Variants in PCDHGA9 observed in about 807,000 individuals in gnomAD.
PCDHGA9 encodes protocadherin gamma subfamily A, 9, also known as protocadherin gamma-A9.
Under a neutral mutation model 62.5 loss-of-function variants are expected in PCDHGA9, and 37 were observed. That is an observed-to-expected ratio of 0.59 (90% CI 0.46 to 0.78). The LOEUF (loss-of-function observed/expected upper bound fraction) is 0.78, where lower values mean the gene tolerates loss of function less well. Ranked by LOEUF, PCDHGA9 falls within the 30% of genes least tolerant of loss-of-function variation. The probability of loss-of-function intolerance (pLI) is 0.00; values close to 1 mark genes in which losing one functional copy is unlikely to be tolerated. For synonymous variants in PCDHGA9, 459 were observed against 484.6 expected (o/e 0.95, Z 0.69); for missense variants, 1,138 against 1,166.2 (o/e 0.98, Z 0.35).
Position 141,415,384 on chromosome 5 carries a change from A to G in PCDHGA9, c.2424+10008A>G, listed in dbSNP as rs767664633. ...GCTGCAGGCTTCAGGAGGCGGCTTG[A>G]CAGGTGTGTCCGGCTCGCACTTTGT... On this transcript the variant is annotated intron_variant, in intron 1 of 3. Coordinates refer to ENST00000573521, the MANE Select transcript of PCDHGA9 (RefSeq NM_018921.3). 9.3e-6 allele frequency: 15 copies of G among 1,614,156 alleles called. No homozygotes were observed. The East Asian group carries it at 2.2e-4, about 24-fold the overall frequency.
chr5:141,472,218 G>A (rs1206861601), intron 1 of PCDHGA9, among the ~76,000 whole-genome samples: 3 of 152,054 alleles, frequency 2.0e-5, no homozygotes, highest in Admixed American at 2.0e-4. Flanking sequence ...CCTTACTCTC[G>A]ATCATATAAT....
At chr5:141,412,814 C>CAT (rs1339609844) in intron 1 of PCDHGA9, among the ~76,000 whole-genome samples, 1 of 152,180 alleles carries the variant, frequency 6.6e-6, no homozygotes, top group Non-Finnish European at 1.5e-5. Context: ...AAGAAACCTA[C>CAT]ATATAGTAAA....
intron 1 of PCDHGA9, chr5:141,441,910 G>A: frequency 2.9e-6 from 1 of 349,440 alleles, no homozygotes; most frequent in Non-Finnish European, 5.5e-6. Flanking sequence ...AGACGCAGAT[G>A]TGAGACACAA....
rs2099695710 is a variant in PCDHGA9, at chr5:141,490,068, A to G, written c.2425-4739A>G. On this transcript the variant is annotated intron_variant, in intron 1 of 3. Coordinates refer to ENST00000573521, the MANE Select transcript of PCDHGA9 (RefSeq NM_018921.3). This position sits in a 1 kb window ranked among gnomAD's most constrained non-coding sequence, Gnocchi z 5.4. ...ATCCAGACGAGGGCACCAACGGCCA[A>G]CTAGACTATTCTTTTGGAGACCACA... is the stretch of plus-strand genomic sequence containing the variant. 2 of 1,614,152 alleles carry G rather than the reference A, an allele frequency of 1.2e-6. No homozygotes were observed. The highest frequency in any genetic ancestry group is 1.6e-4 in the Middle Eastern group (1 of 6,084).
chr5:141,404,029 C>A lies in PCDHGA9; in HGVS notation c.1077C>A (p.Asp359Glu). Reference protein sequence around the residue: ...ITSLFSPVREDAPQGTVILLF... With the variant: ...ITSLFSPVREEAPQGTVILLF... ...CTCTGTTTAGCCCAGTGAGAGAAGA[C>A]GCACCTCAGGGAACAGTAATTCTTC... Residue 359 changes from aspartate to glutamate, a missense_variant, in exon 1 of 4, where the codon GAC becomes GAA. Coordinates refer to ENST00000573521, the MANE Select transcript of PCDHGA9 (RefSeq NM_018921.3). 1.2e-6 allele frequency: 2 copies of A among 1,613,428 alleles called. No individual in the cohort carries two copies. The highest frequency in any genetic ancestry group is 1.1e-5 in the South Asian group (1 of 90,996).
At chr5:141,441,730 A>ATGGT in intron 1 of PCDHGA9, 1 of 362,748 alleles carries the variant, frequency 2.8e-6, no homozygotes, top group South Asian at 2.2e-5. Flanking sequence ...CGCGACCAGG[A>ATGGT]CTAGCTCGCG....
chr5:141,486,653 C>G lies in PCDHGA9; in HGVS notation c.2425-8154C>G. On this transcript the variant is annotated intron_variant, in intron 1 of 3. Transcript: ENST00000573521. This position sits in a 1 kb window ranked among gnomAD's most constrained non-coding sequence, Gnocchi z 5.0. ...CTTGAATGCGCTTATCTCCTACTCA[C>G]TCCTGGAGCCCAGGAATCGAGATGT... is the stretch of plus-strand genomic sequence containing the variant. 1 of 1,613,968 alleles carries G rather than the reference C, an allele frequency of 6.2e-7. No individual in the cohort carries two copies. Among genetic ancestry groups the G allele is most frequent in the Non-Finnish European group, 8.5e-7 (1 of 1,180,034 alleles).
Position 141,489,828 on chromosome 5 carries a change from A to G in PCDHGA9, c.2425-4979A>G. The G allele has an allele frequency of 1.9e-6, 3 of 1,614,010 alleles. No homozygotes were observed. The highest frequency in any genetic ancestry group is 1.1e-5 in the South Asian group (1 of 91,080). ...GGAAGCCATTCCCAGAGCTGGTGCTAGAGCAGCAGCTGGATCGTGAAGCCC... is the reference window on the plus strand; with the variant it reads ...GGAAGCCATTCCCAGAGCTGGTGCTGGAGCAGCAGCTGGATCGTGAAGCCC... On this transcript the variant is annotated intron_variant, in intron 1 of 3. Transcript: ENST00000573521. The surrounding 1 kb of genome is among the most constrained non-coding windows in gnomAD (Gnocchi z 4.5).
chr5:141,445,224 G>A (rs1016307216), intron 1 of PCDHGA9, among the ~76,000 whole-genome samples: 6 of 152,194 alleles, frequency 3.9e-5, no homozygotes, highest in Admixed American at 2.0e-4. Context: ...GAGGTGCAAA[G>A]TGCTCTATTC....
Position 141,491,944 on chromosome 5 carries a change from C to A in PCDHGA9, c.2425-2863C>A. On this transcript the variant is annotated intron_variant, in intron 1 of 3. Transcript: ENST00000573521. This position sits in a 1 kb window ranked among gnomAD's most constrained non-coding sequence, Gnocchi z 6.9. ...CGAGGGGAGGTGGGACCGACCCCCA[C>A]CCCTACACTCAAAAAAGGCCGGGGC... 2 of 1,120,270 alleles carry A rather than the reference C, an allele frequency of 1.8e-6. No individual in the cohort carries two copies. Among genetic ancestry groups the A allele is most frequent in the Non-Finnish European group, 2.4e-6 (2 of 822,060 alleles). The allele number at this position is 1,120,270 out of a possible 1,614,324, so 69.4% of individuals were successfully genotyped here.
At position 141,418,204 on chromosome 5, in the gene PCDHGA9, T is replaced by G. The variant is rs1456912993; in HGVS notation, c.2424+12828T>G. ...AAGCTGTGGTGGAAAATCCTTTAAATATTTTTCATGTCATTGTGGTGATTG... is the reference window on the plus strand; with the variant it reads ...AAGCTGTGGTGGAAAATCCTTTAAAGATTTTTCATGTCATTGTGGTGATTG... On this transcript the variant is annotated intron_variant, in intron 1 of 3. Transcript: ENST00000573521. The G allele has an allele frequency of 2.5e-6, 4 of 1,614,054 alleles. No homozygotes were observed. The East Asian group carries it at 8.9e-5, about 36-fold the overall frequency.
At chr5:141,427,838 C>T (rs978867590) in intron 1 of PCDHGA9, 4 of 1,546,186 alleles carry the variant, frequency 2.6e-6, no homozygotes, top group Non-Finnish European at 1.8e-6. Flanking sequence ...AGCGTGCCTT[C>T]GACCACGAGC....
At chr5:141,492,974 C>G (rs1479838959) in intron 1 of PCDHGA9, among the ~76,000 whole-genome samples, 1 of 152,244 alleles carries the variant, frequency 6.6e-6, no homozygotes, top group Non-Finnish European at 1.5e-5. Flanking sequence ...CTAACAAGTC[C>G]TGTCTCCTCT....
rs61612330 is a variant in PCDHGA9, at chr5:141,454,796, A to ATTTTTTTTTTTTTTTTTT, written c.2425-39999_2425-39982dup. Reference sequence around the variant, plus strand: ...AAGGAAATAATCCTCCATGGTTCTAATTTTTTTTTTTTTTTTTTTTTTTTT... The same window carrying ATTTTTTTTTTTTTTTTTT: ...AAGGAAATAATCCTCCATGGTTCTAATTTTTTTTTTTTTTTTTTTTTTTTTTTTTTTTTTTTTTTTTTT... On this transcript the variant is annotated intron_variant, in intron 1 of 3. Coordinates refer to ENST00000573521, the MANE Select transcript of PCDHGA9 (RefSeq NM_018921.3). 9.0e-4 allele frequency among the ~76,000 whole-genome samples: 70 copies of ATTTTTTTTTTTTTTTTTT among 77,458 alleles called. 9 individuals carry two copies. Among genetic ancestry groups the ATTTTTTTTTTTTTTTTTT allele is most frequent in the Non-Finnish European group, 1.1e-3 (48 of 42,814 alleles). The allele number at this position is 77,458 out of a possible 152,430, so 50.8% of individuals were successfully genotyped here. A position where few individuals can be genotyped will look rare whatever the true frequency, so the allele number is the denominator to read the frequency against.
At chr5:141,421,320 G>T (rs1561793188) in intron 1 of PCDHGA9, 2 of 1,613,786 alleles carry the variant, frequency 1.2e-6, no homozygotes, top group Non-Finnish European at 1.7e-6. Flanking sequence ...GGGCCAGGCA[G>T]ATCCGATATT....
At chr5:141,449,106 T>A (rs2154562506) in intron 1 of PCDHGA9, among the ~76,000 whole-genome samples, 2 of 152,314 alleles carry the variant, frequency 1.3e-5, no homozygotes, top group East Asian at 3.9e-4. Context: ...ATGCAGTATA[T>A]CTTTGGGATG....
chr5:141,438,635 T>C (rs1325567714), intron 1 of PCDHGA9, among the ~76,000 whole-genome samples: 9 of 33,420 alleles, frequency 2.7e-4, no homozygotes, highest in East Asian at 1.8e-3. Flanking sequence ...TATATATATA[T>C]ACACACACAC....
intron 1 of PCDHGA9, chr5:141,441,758 C>T: frequency 2.6e-6 from 1 of 382,050 alleles, no homozygotes. Context: ...TCAACGTGAG[C>T]CTGCGCGTGT....
At chr5:141,470,124 G>A (rs1038487398) in intron 1 of PCDHGA9, among the ~76,000 whole-genome samples, 4 of 151,358 alleles carry the variant, frequency 2.6e-5, no homozygotes, top group African/African-American at 9.7e-5. Flanking sequence ...GCAAGACTTC[G>A]TCTCAAAAAA....
Sources: gnomAD v4.1 joint callset for allele counts (sites outside exome capture counted in the v4.1 genomes callset) on GRCh38, gnomAD v4.1.1 for gene constraint, Gnocchi (gnomAD v3.1) non-coding constraint, MANE v1.5 for transcripts, NCBI Gene and HGNC (gene_info 2026-07-23, HGNC 2026-07-21) for gene names.